SUN3: variants seen among roughly 807,000 people sequenced by gnomAD.
The protein encoded by SUN3 is SUN domain-containing protein 3.
Under a neutral mutation model 48.2 loss-of-function variants are expected in SUN3, and 36 were observed. The ratio of observed to expected loss-of-function variants is 0.75; its 90% confidence interval spans 0.57 to 0.99. The LOEUF (loss-of-function observed/expected upper bound fraction) is 0.99. SUN3 is among the 50% of genes least tolerant of loss of function. The probability of loss-of-function intolerance (pLI) is 0.00; values close to 1 mark genes in which losing one functional copy is unlikely to be tolerated. For missense variants in SUN3, 419 were observed against 433.1 expected (o/e 0.97, Z 0.29); for synonymous variants, 148 against 147.9 (o/e 1.00, Z 0.00).
At chr7:48,017,022 A>G (rs1158517861) in intron 3 of SUN3, among the ~76,000 whole-genome samples, 2 of 152,160 alleles carry the variant, frequency 1.3e-5, no homozygotes, top group Non-Finnish European at 2.9e-5. Context: ...AGCTCTTATG[A>G]CCCAATCACT....
At position 48,005,992 on chromosome 7, in the gene SUN3, G is replaced by T; in HGVS notation, c.554C>A (p.Ala185Asp). The change falls in exon 6 of 10, where the codon GCT (alanine) becomes GAT (aspartate). Residue 185 changes from alanine (A) to aspartate (D), a missense_variant. Physicochemically the swap from Ala to Asp is moderately radical, Grantham distance 126. Transcript: ENST00000297325. ...ACCGGCCGACTTCAGGGCATAATCA[G>T]CCATCTCGACTTGGTCTTCTCTCAA... Reference protein sequence around the residue: ...KKLREDQVEMADYALKSAGAS... With the variant: ...KKLREDQVEMDDYALKSAGAS... 6.2e-7 allele frequency: 1 copy of T among 1,612,158 alleles called. No homozygotes were observed. Among genetic ancestry groups the T allele is most frequent in the Non-Finnish European group, 8.5e-7 (1 of 1,179,306 alleles).
intron 9 of SUN3, among the ~76,000 whole-genome samples, chr7:47,988,413 T>C (rs1788958660): frequency 6.6e-6 from 1 of 152,248 alleles, no homozygotes; most frequent in African/African-American, 2.4e-5. Flanking sequence ...TGAGCTTCTC[T>C]CTGCCTCTGT....
rs1009226740 is a variant in SUN3, at chr7:47,991,456, A to T, written c.862-2576T>A. Among the ~76,000 whole-genome samples the T allele has an allele frequency of 2.6e-5, 4 of 152,234 alleles. No homozygotes were observed. The South Asian group carries it at 8.3e-4, about 32-fold the overall frequency. ...AAAGGACAGCAGCCCTTTGTTTTGAAACTCCAGATATGGAATGTAGAGGCA... is the reference window on the plus strand; with the variant it reads ...AAAGGACAGCAGCCCTTTGTTTTGATACTCCAGATATGGAATGTAGAGGCA... On this transcript the variant is annotated intron_variant, in intron 8 of 9. Coordinates refer to ENST00000297325, the MANE Select transcript of SUN3 (RefSeq NM_001030019.2).
At chr7:47,991,025 C>A (rs1311918842) in intron 8 of SUN3, 1 of 455,840 alleles carries the variant, frequency 2.2e-6, no homozygotes, top group Non-Finnish European at 4.4e-6. Context: ...GTATAACAAA[C>A]CTGCACATAT....
chr7:48,006,166 C>A, intron 5 of SUN3, 113 bp from the exon 6 acceptor site: 1 of 677,848 alleles, frequency 1.5e-6, no homozygotes, highest in Non-Finnish European at 2.6e-6. Flanking sequence ...TAGCAGTGAG[C>A]CCCTATCAGC....
chr7:48,010,064 C>T (rs1281048103), intron 3 of SUN3, among the ~76,000 whole-genome samples: 1 of 152,108 alleles, frequency 6.6e-6, no homozygotes, highest in East Asian at 1.9e-4. Flanking sequence ...GCACTCTCTT[C>T]CCGTCTGTCT....
At chr7:48,014,446 A>G (rs1206349228) in intron 3 of SUN3, among the ~76,000 whole-genome samples, 1 of 152,186 alleles carries the variant, frequency 6.6e-6, no homozygotes, top group East Asian at 1.9e-4. Context: ...CATTTTAGTT[A>G]AAAGGGAAGA....
At chr7:48,015,786 C>T (rs796737354) in intron 3 of SUN3, among the ~76,000 whole-genome samples, 31 of 152,302 alleles carry the variant, frequency 2.0e-4, no homozygotes, top group African/African-American at 6.5e-4. Context: ...ACCTATCCGA[C>T]TCCATCATGC....
chr7:48,001,320 T>C (rs1403054191), intron 6 of SUN3, among the ~76,000 whole-genome samples: 2 of 152,180 alleles, frequency 1.3e-5, no homozygotes, highest in Non-Finnish European at 2.9e-5. Context: ...CTCCCACTTA[T>C]AAGTGAGAAC....
chr7:48,019,578 A>G (rs1347953005), intron 2 of SUN3, among the ~76,000 whole-genome samples: 1 of 152,130 alleles, frequency 6.6e-6, no homozygotes, highest in Non-Finnish European at 1.5e-5. Flanking sequence ...GATACAAATG[A>G]AATTAGAAAT....
chr7:47,998,737 CT>C (rs1295980838), intron 6 of SUN3, among the ~76,000 whole-genome samples: 2 of 151,722 alleles, frequency 1.3e-5, no homozygotes, highest in East Asian at 1.9e-4. Flanking sequence ...TGGGCCAAGG[CT>C]TTTTTTTATT....
intron 1 of SUN3, among the ~76,000 whole-genome samples, chr7:48,027,830 T>C (rs972863051): frequency 9.9e-5 from 15 of 152,186 alleles, no homozygotes; most frequent in African/African-American, 3.6e-4. Flanking sequence ...TTAACTATTA[T>C]TGGAGATGTG....
At chr7:48,025,397 T>A (rs900343527) in intron 2 of SUN3, among the ~76,000 whole-genome samples, 5 of 152,146 alleles carry the variant, frequency 3.3e-5, no homozygotes, top group Admixed American at 2.0e-4. Flanking sequence ...GTTGTGAATA[T>A]ATTAAAGAAC....
intron 1 of SUN3, 93 bp downstream of exon 1, chr7:48,028,724 C>A (rs1461212034): frequency 6.7e-7 from 1 of 1,495,422 alleles, no homozygotes; most frequent in Non-Finnish European, 9.1e-7. Flanking sequence ...AAAATACTGT[C>A]GGGTAACAGG....
rs201216802 is a variant in SUN3, at chr7:48,027,979, G to GT, written c.122+837dup. ...CCAAAGATTAACTCCAGTGTTTTTC[G>GT]TTTTTTGTTTTTCACTAGAAAACTG... On this transcript the variant is annotated intron_variant, in intron 1 of 9. Coordinates refer to ENST00000297325, the MANE Select transcript of SUN3 (RefSeq NM_001030019.2). Among the ~76,000 whole-genome samples the GT allele has an allele frequency of 7.7e-3, 1,170 of 152,170 alleles. 9 individuals are homozygous for GT. Among genetic ancestry groups the GT allele is most frequent in the South Asian group, 0.023 (112 of 4,822 alleles).
At chr7:48,002,729 T>C (rs1789420780) in intron 6 of SUN3, among the ~76,000 whole-genome samples, 1 of 152,210 alleles carries the variant, frequency 6.6e-6, no homozygotes. Context: ...AGCTCTTTAG[T>C]TTAATTAGAT....
intron 2 of SUN3, among the ~76,000 whole-genome samples, chr7:48,020,267 A>G (rs1055691461): frequency 5.3e-5 from 8 of 152,252 alleles, no homozygotes; most frequent in African/African-American, 1.9e-4. Flanking sequence ...ACATCTCTCC[A>G]TGATAAAAAC....
chr7:47,991,464 A>G (rs1789056250), intron 8 of SUN3, among the ~76,000 whole-genome samples: 1 of 152,150 alleles, frequency 6.6e-6, no homozygotes, highest in South Asian at 2.1e-4. Flanking sequence ...GAAACTCCAG[A>G]TATGGAATGT....
chr7:47,993,414 A>G (rs780989303), intron 8 of SUN3, among the ~76,000 whole-genome samples: 1 of 152,254 alleles, frequency 6.6e-6, no homozygotes, highest in Non-Finnish European at 1.5e-5. Flanking sequence ...TCAAATGTCC[A>G]TCAACTGATG....
Sources: gnomAD v4.1 joint callset for allele counts (sites outside exome capture counted in the v4.1 genomes callset) on GRCh38, gnomAD v4.1.1 for gene constraint, MANE v1.5 for transcripts, NCBI Gene and HGNC (gene_info 2026-07-23, HGNC 2026-07-21) for gene names.